Variants in PARP11 observed in about 807,000 individuals in gnomAD.
The protein encoded by PARP11 is protein mono-ADP-ribosyltransferase PARP11.
PARP11 carries 31 observed loss-of-function variants against 42.9 expected under a neutral mutation model. The ratio of observed to expected loss-of-function variants is 0.72; its 90% confidence interval spans 0.54 to 0.98. The LOEUF (loss-of-function observed/expected upper bound fraction) is 0.98. Among genes scored for constraint, PARP11 ranks in the 50% least tolerant of loss-of-function variants. The pLI is 0.00. For missense variants in PARP11, 365 were observed against 413.1 expected, an observed-to-expected ratio of 0.88 and a Z score of 1.01; for synonymous variants, 137 against 127.3, an observed-to-expected ratio of 1.08 and a Z score of -0.51.
chr12:3,873,106 C>T, intron 1 of PARP11, 106 bp downstream of exon 1: 3 of 1,108,772 alleles, frequency 2.7e-6, no homozygotes, highest in South Asian at 1.3e-5. Context: ...CGGAACTCAA[C>T]ACCCAGACTG....
At chr12:3,836,348 G>T (rs1228813800) in intron 1 of PARP11, among the ~76,000 whole-genome samples, 5 of 151,050 alleles carry the variant, frequency 3.3e-5, no homozygotes, top group African/African-American at 9.8e-5. Context: ...AAAAAAAAGC[G>T]CCTATCAACC....
At chr12:3,870,213 A>C (rs1004789516) in intron 1 of PARP11, among the ~76,000 whole-genome samples, 1 of 152,240 alleles carries the variant, frequency 6.6e-6, no homozygotes, top group Non-Finnish European at 1.5e-5. Flanking sequence ...TAGAATGTTG[A>C]TTTTTAAAAC....
intron 1 of PARP11, among the ~76,000 whole-genome samples, chr12:3,868,397 T>C (rs1948425188): frequency 6.6e-6 from 1 of 152,068 alleles, no homozygotes. Flanking sequence ...GAGGCAGAGG[T>C]TGCAGTTAGC....
intron 1 of PARP11, among the ~76,000 whole-genome samples, chr12:3,838,621 AAATT>A (rs1177994751): frequency 6.6e-6 from 1 of 152,240 alleles, no homozygotes; most frequent in African/African-American, 2.4e-5. Context: ...TAAATAAATA[AAATT>A]GAGACTTAAA....
chr12:3,840,326 A>G lies in PARP11; in HGVS notation c.19-10308T>C. On this transcript the variant is annotated intron_variant, in intron 1 of 7. Transcript: ENST00000228820. The surrounding 1 kb of genome is among the most constrained non-coding windows in gnomAD (Gnocchi z 4.4). ...GAAAGCTGGAACACAGTGTCAGGGA[A>G]GAAGATGAAAAAACCTTCCACTTCT... 6.2e-7 allele frequency: 1 copy of G among 1,614,176 alleles called. No individual in the cohort carries two copies. Among genetic ancestry groups the G allele is most frequent in the Non-Finnish European group, 8.5e-7 (1 of 1,179,978 alleles).
chr12:3,812,598 C>T (rs1399130240), intron 7 of PARP11, among the ~76,000 whole-genome samples, 159 bp from the exon 8 acceptor site: 1 of 152,044 alleles, frequency 6.6e-6, no homozygotes, highest in Non-Finnish European at 1.5e-5. Context: ...AATAGAAATC[C>T]ATCTGTTATG....
intron 3 of PARP11, among the ~76,000 whole-genome samples, chr12:3,827,808 C>T (rs1050099468): frequency 1.3e-5 from 2 of 152,324 alleles, no homozygotes; most frequent in Admixed American, 6.5e-5. Flanking sequence ...CACCACCCTA[C>T]CCAGCCACAA....
intron 1 of PARP11, chr12:3,832,247 T>C (rs1947657567): frequency 4.4e-6 from 1 of 225,552 alleles, no homozygotes; most frequent in African/African-American, 2.3e-5. Flanking sequence ...TCAAATCTTA[T>C]ACAATTCCTT....
intron 1 of PARP11, among the ~76,000 whole-genome samples, chr12:3,849,161 C>A (rs1460401931): frequency 6.6e-6 from 1 of 151,966 alleles, no homozygotes; most frequent in East Asian, 1.9e-4. Context: ...CAAAGAATAA[C>A]GAATGCTAGC....
Position 3,829,931 on chromosome 12 carries a change from A to G in PARP11, c.106T>C (p.Trp36Arg). 2 of 1,613,970 alleles carry G rather than the reference A, an allele frequency of 1.2e-6. No homozygotes were observed. The highest frequency in any genetic ancestry group is 1.7e-6 in the Non-Finnish European group (2 of 1,179,854). Reference protein sequence around the residue: ...DMDTSDTQWGWFYLAECGKWH... With the variant: ...DMDTSDTQWGRFYLAECGKWH... Reference sequence around the variant, plus strand: ...TTCCCACATTCTGCCAAGTAAAACCAGCCCCACTGGGTATCTGACGTGTCC... The same window carrying G: ...TTCCCACATTCTGCCAAGTAAAACCGGCCCCACTGGGTATCTGACGTGTCC... Residue 36 changes from tryptophan (W) to arginine (R), a missense_variant, in exon 2 of 8, where the codon TGG becomes CGG. Physicochemically the swap from Trp to Arg is moderately radical, Grantham distance 101. Transcript: ENST00000228820.
intron 1 of PARP11, among the ~76,000 whole-genome samples, chr12:3,843,642 A>G (rs1947937516): frequency 6.6e-6 from 1 of 152,208 alleles, no homozygotes; most frequent in Admixed American, 6.5e-5. Flanking sequence ...ACCCTTAGGT[A>G]GGTAACATCT....
At chr12:3,820,018 A>G (rs977957947) in intron 6 of PARP11, among the ~76,000 whole-genome samples, 2 of 151,202 alleles carry the variant, frequency 1.3e-5, no homozygotes, top group Non-Finnish European at 2.9e-5. Flanking sequence ...AATTCTACCC[A>G]CTCCACTCCA....
rs1326024024 is a variant in PARP11 at position 3,822,070 on chromosome 12, C to T, written c.417+15G>A. 1 of 1,612,038 alleles carries T rather than the reference C, an allele frequency of 6.2e-7. No individual in the cohort carries two copies. Among genetic ancestry groups the T allele is most frequent in the South Asian group, 1.1e-5 (1 of 90,596 alleles). ...GGTTTCTTTCATGGGTATATTCAGT[C>T]AATTCTGCTCTTACCTGATATGGTA... On this transcript the variant is annotated intron_variant, in intron 5 of 7. Transcript: ENST00000228820.
rs1260115843 is a variant in PARP11 at position 3,811,056 on chromosome 12, A to G, written c.*1067T>C. Reference sequence around the variant, plus strand: ...AGCAAAACAGATGGAACAGGTAAACAAATTTCCACTAAACATGATTAAGAA... The same window carrying G: ...AGCAAAACAGATGGAACAGGTAAACGAATTTCCACTAAACATGATTAAGAA... On this transcript the variant is annotated 3_prime_UTR_variant, in exon 8 of 8. Coordinates refer to ENST00000228820, the MANE Select transcript of PARP11 (RefSeq NM_020367.6). The G allele has an allele frequency of 2.6e-5, 4 of 152,200 alleles. No individual in the cohort carries two copies. The highest frequency in any genetic ancestry group is 1.5e-5 in the Non-Finnish European group (1 of 68,036). The allele number at this position is 152,200 out of a possible 1,614,324, so 9.4% of individuals were successfully genotyped here. A position where few individuals can be genotyped will look rare whatever the true frequency, so the allele number is the denominator to read the frequency against.
chr12:3,845,132 A>C (rs912578745), intron 1 of PARP11, among the ~76,000 whole-genome samples: 3 of 152,318 alleles, frequency 2.0e-5, no homozygotes, highest in African/African-American at 7.2e-5. Context: ...GCTGAACTTT[A>C]TTCCAGCCCC....
At chr12:3,842,779 T>C (rs1252724433) in intron 1 of PARP11, among the ~76,000 whole-genome samples, 1 of 152,226 alleles carries the variant, frequency 6.6e-6, no homozygotes, top group East Asian at 1.9e-4. Flanking sequence ...TTTGTTAAAG[T>C]ATTTTTATAA....
chr12:3,855,676 A>T (rs1948176954), intron 1 of PARP11, among the ~76,000 whole-genome samples: 1 of 152,210 alleles, frequency 6.6e-6, no homozygotes, highest in Non-Finnish European at 1.5e-5. Context: ...GGAAGAATCA[A>T]TATCGTGAAA....
At chr12:3,841,264 A>C (rs1224214229) in intron 1 of PARP11, 11 of 1,344,060 alleles carry the variant, frequency 8.2e-6, no homozygotes, top group Non-Finnish European at 1.2e-5. Context: ...AGATAAGAAT[A>C]TTCTTCGATT....
chr12:3,822,045 G>T, intron 5 of PARP11, 40 bp downstream of exon 5: 1 of 1,608,848 alleles, frequency 6.2e-7, no homozygotes, highest in Non-Finnish European at 8.5e-7. Context: ...AGTCATTTCC[G>T]GTTTCTTTCA....
Sources: allele counts gnomAD v4.1 joint callset (sites outside exome capture counted in the v4.1 genomes callset), GRCh38; gene constraint gnomAD v4.1.1; non-coding constraint Gnocchi (gnomAD v3.1); transcripts MANE v1.5; gene names NCBI Gene and HGNC (gene_info 2026-07-23, HGNC 2026-07-21).